KLHL1: variants seen among roughly 807,000 people sequenced by gnomAD.
KLHL1 encodes the protein kelch-like protein 1.
A neutral mutation model predicts 77.7 loss-of-function variants in KLHL1; 47 were observed. The ratio of observed to expected loss-of-function variants is 0.60; its 90% CI spans 0.48 to 0.77. The LOEUF (loss-of-function observed/expected upper bound fraction) is 0.77, where lower values mean the gene tolerates loss of function less well. Among genes scored for constraint, KLHL1 ranks in the 30% least tolerant of loss-of-function variants. The pLI is 0.00. For missense variants in KLHL1, 925 were observed against 910.8 expected, an observed-to-expected ratio of 1.02 and a Z score of -0.20; for synonymous variants, 360 against 325.2, an observed-to-expected ratio of 1.11 and a Z score of -1.15.
intron 6 of KLHL1, among the ~76,000 whole-genome samples, chr13:69,805,059 T>C (rs894410212): frequency 6.6e-6 from 1 of 152,058 alleles, no homozygotes; most frequent in African/African-American, 2.4e-5. Flanking sequence ...TTTATACTTA[T>C]ATAAAAGGTA....
At chr13:70,074,749 A>AG (rs1236737214) in intron 1 of KLHL1, among the ~76,000 whole-genome samples, 1 of 151,614 alleles carries the variant, frequency 6.6e-6, no homozygotes, top group Non-Finnish European at 1.5e-5. Flanking sequence ...AGCAAGAAAA[A>AG]AAAAAAATTA....
chr13:69,882,817 A>C (rs12429486), intron 4 of KLHL1, among the ~76,000 whole-genome samples: 5,170 of 152,268 alleles, frequency 0.034, 122 homozygotes, highest in Non-Finnish European at 0.051. Flanking sequence ...AATAGGAAAA[A>C]ATAACATTTC....
chr13:69,934,743 T>C (rs1471574026), intron 4 of KLHL1, among the ~76,000 whole-genome samples: 1 of 151,852 alleles, frequency 6.6e-6, no homozygotes, highest in Non-Finnish European at 1.5e-5. Context: ...TTGAATTTCA[T>C]TAAACAGAAC....
In KLHL1 at chr13:70,085,983, T is replaced by C. The variant is rs565495248; in HGVS notation, c.497+21220A>G. Among the ~76,000 whole-genome samples the C allele has an allele frequency of 6.2e-4, 95 of 152,338 alleles. 2 individuals carry two copies. The Middle Eastern group carries it at 0.024, about 38-fold the overall frequency. On this transcript the variant is annotated intron_variant, in intron 1 of 10. Coordinates refer to ENST00000377844, the MANE Select transcript of KLHL1 (RefSeq NM_020866.3). ...TGCTAAGTAAAATTTGCTTTACTTC[T>C]CGTTACGTATGTTTTAAATTATATA...
intron 1 of KLHL1, among the ~76,000 whole-genome samples, chr13:70,023,426 C>T (rs944171883): frequency 3.3e-5 from 5 of 151,878 alleles, no homozygotes; most frequent in African/African-American, 1.2e-4. Flanking sequence ...CAAAGACATT[C>T]TGTAATGTAT....
intron 8 of KLHL1, among the ~76,000 whole-genome samples, chr13:69,725,887 C>G (rs1455804090): frequency 1.3e-5 from 2 of 151,968 alleles, no homozygotes; most frequent in African/African-American, 4.8e-5. Context: ...TAGATCTTTT[C>G]TAGCCCTATG....
intron 6 of KLHL1, among the ~76,000 whole-genome samples, chr13:69,837,701 T>TATACAC (rs1879082894): frequency 6.8e-6 from 1 of 146,728 alleles, no homozygotes; most frequent in Admixed American, 7.0e-5. Flanking sequence ...CATATATATA[T>TATACAC]AGATCTCATA....
intron 9 of KLHL1, 144 bp from the exon 10 acceptor site, chr13:69,707,940 C>G: frequency 1.7e-6 from 1 of 581,598 alleles, no homozygotes; most frequent in East Asian, 2.8e-5. Context: ...AGCAGGTATT[C>G]TAGAATGAAC....
chr13:69,801,568 T>C (rs1386659194), intron 6 of KLHL1, among the ~76,000 whole-genome samples: 1 of 152,108 alleles, frequency 6.6e-6, no homozygotes, highest in Non-Finnish European at 1.5e-5. Flanking sequence ...AAAGGTATAC[T>C]ATAATTTAAT....
At chr13:69,963,926 T>C (rs1003436182) in intron 2 of KLHL1, among the ~76,000 whole-genome samples, 1 of 152,146 alleles carries the variant, frequency 6.6e-6, no homozygotes. Context: ...TTTAGTTGCA[T>C]GTCTAGTATC....
At chr13:69,817,897 A>G (rs1593858497) in intron 6 of KLHL1, among the ~76,000 whole-genome samples, 1 of 152,190 alleles carries the variant, frequency 6.6e-6, no homozygotes, top group East Asian at 1.9e-4. Flanking sequence ...AGAAAGACCT[A>G]CAGAATGTAC....
chr13:69,917,052 T>A (rs1172611014), intron 4 of KLHL1, among the ~76,000 whole-genome samples: 2 of 152,056 alleles, frequency 1.3e-5, no homozygotes, highest in Non-Finnish European at 1.5e-5. Flanking sequence ...TGTTTGCACA[T>A]GTGTACGTGT....
At chr13:69,952,791 C>T (rs1392809424) in intron 3 of KLHL1, among the ~76,000 whole-genome samples, 1 of 151,294 alleles carries the variant, frequency 6.6e-6, no homozygotes, top group Non-Finnish European at 1.5e-5. Context: ...GGAAAATGGA[C>T]TCTTCATTAA....
At chr13:69,916,637 G>A (rs1048409682) in intron 4 of KLHL1, among the ~76,000 whole-genome samples, 150 of 152,156 alleles carry the variant, frequency 9.9e-4, no homozygotes, top group African/African-American at 3.6e-3. Context: ...TATACGTAAT[G>A]TTAAATGATG....
At chr13:70,043,234 A>G (rs1886419505) in intron 1 of KLHL1, among the ~76,000 whole-genome samples, 1 of 150,050 alleles carries the variant, frequency 6.7e-6, no homozygotes, top group Non-Finnish European at 1.5e-5. Flanking sequence ...AACAAGTTTA[A>G]ATACTAAAAA....
intron 5 of KLHL1, among the ~76,000 whole-genome samples, chr13:69,875,338 G>T (rs1048893491): frequency 5.9e-5 from 9 of 152,086 alleles, no homozygotes; most frequent in South Asian, 2.1e-4. Flanking sequence ...TGAAACAACA[G>T]AACTTTGTAA....
chr13:69,716,417 G>A (rs777476075), intron 9 of KLHL1, among the ~76,000 whole-genome samples: 5 of 151,944 alleles, frequency 3.3e-5, no homozygotes, highest in Non-Finnish European at 5.9e-5. Context: ...AAAAAAAAAT[G>A]ATGTAGAAAG....
intron 1 of KLHL1, among the ~76,000 whole-genome samples, chr13:70,017,991 TTAA>T (rs1885700572): frequency 6.6e-6 from 1 of 152,150 alleles, no homozygotes; most frequent in Non-Finnish European, 1.5e-5. Context: ...ATTAAAGTTC[TTAA>T]TAACAATTTA....
chr13:69,892,761 T>G (rs1169470663), intron 4 of KLHL1, among the ~76,000 whole-genome samples: 9 of 152,136 alleles, frequency 5.9e-5, no homozygotes, highest in African/African-American at 1.2e-4. Context: ...GGATAAAAAG[T>G]ATGTGTAGAA....
Sources: gnomAD v4.1 joint callset for allele counts (sites outside exome capture counted in the v4.1 genomes callset) on GRCh38, gnomAD v4.1.1 for gene constraint, MANE v1.5 for transcripts, NCBI Gene and HGNC (gene_info 2026-07-23, HGNC 2026-07-21) for gene names.